GALNT17: variants seen among roughly 807,000 people sequenced by gnomAD.
GALNT17 encodes polypeptide N-acetylgalactosaminyltransferase 17.
In GALNT17, 29 loss-of-function variants were observed where a neutral mutation model predicts 63.7. That is an observed-to-expected ratio of 0.46 (90% CI 0.34 to 0.62). The LOEUF (loss-of-function observed/expected upper bound fraction) is 0.62, where lower values mean the gene tolerates loss of function less well. GALNT17 is among the 20% of genes least tolerant of loss of function. The probability of loss-of-function intolerance (pLI) is 0.01; values close to 1 mark genes in which losing one functional copy is unlikely to be tolerated. For synonymous variants in GALNT17, 305 were observed against 318.3 expected, an observed-to-expected ratio of 0.96 and a Z score of 0.45; for missense variants, 603 against 799.6, an observed-to-expected ratio of 0.75 and a Z score of 2.97.
chr7:71,168,705 ATGTGTGTGTGTGTGTG>A (rs10536926), intron 1 of GALNT17, among the ~76,000 whole-genome samples: 2 of 149,050 alleles, frequency 1.3e-5, no homozygotes, highest in Non-Finnish European at 3.0e-5. Flanking sequence ...AGTTACGTGT[ATGTGTGTGTGTGTGTG>A]TGTGTGTGTG....
intron 6 of GALNT17, among the ~76,000 whole-genome samples, chr7:71,605,211 GTTTA>G (rs1366941982): frequency 6.6e-6 from 1 of 152,072 alleles, no homozygotes; most frequent in Non-Finnish European, 1.5e-5. Flanking sequence ...CCAGCCTTCC[GTTTA>G]TTTATTCTTT....
chr7:71,471,413 A>C (rs568272645), intron 5 of GALNT17, among the ~76,000 whole-genome samples: 5 of 148,022 alleles, frequency 3.4e-5, no homozygotes, highest in Non-Finnish European at 7.5e-5. Context: ...AAAAAAAAAA[A>C]ACAAAAAAAA....
intron 5 of GALNT17, among the ~76,000 whole-genome samples, chr7:71,485,374 G>A (rs1466582235): frequency 2.0e-5 from 3 of 152,212 alleles, no homozygotes; most frequent in Non-Finnish European, 4.4e-5. Flanking sequence ...TGGGATTACA[G>A]GTGTGAGCCA....
chr7:71,453,697 G>A (rs1787306879), intron 5 of GALNT17, among the ~76,000 whole-genome samples: 1 of 152,188 alleles, frequency 6.6e-6, no homozygotes, highest in Admixed American at 6.5e-5. Flanking sequence ...TCCTGTGTAT[G>A]TCAGATAGCA....
At chr7:71,469,807 A>G (rs1190797226) in intron 5 of GALNT17, among the ~76,000 whole-genome samples, 1 of 152,252 alleles carries the variant, frequency 6.6e-6, no homozygotes, top group Non-Finnish European at 1.5e-5. Flanking sequence ...CATTCTTTGA[A>G]GACTGACATC....
intron 2 of GALNT17, among the ~76,000 whole-genome samples, chr7:71,351,585 G>A (rs1792189684): frequency 6.6e-6 from 1 of 152,062 alleles, no homozygotes. Context: ...AGTGAAGACA[G>A]GCAGAGATTG....
chr7:71,577,694 A>G (rs1401085479), intron 6 of GALNT17, among the ~76,000 whole-genome samples: 5 of 152,166 alleles, frequency 3.3e-5, no homozygotes, highest in African/African-American at 4.8e-5. Flanking sequence ...AGCGTATTTT[A>G]ATTTGCACTC....
intron 1 of GALNT17, among the ~76,000 whole-genome samples, chr7:71,303,726 TGGAC>T (rs756144488): frequency 2.0e-5 from 3 of 152,088 alleles, no homozygotes; most frequent in Non-Finnish European, 2.9e-5. Context: ...CAGAGTGGGC[TGGAC>T]TCCCCTCTAA....
At chr7:71,373,491 G>T (rs765958543) in intron 2 of GALNT17, among the ~76,000 whole-genome samples, 1 of 152,098 alleles carries the variant, frequency 6.6e-6, no homozygotes, top group Non-Finnish European at 1.5e-5. Flanking sequence ...GAGTGGTTTC[G>T]GTCTGCAGCC....
intron 8 of GALNT17, among the ~76,000 whole-genome samples, chr7:71,670,955 TA>T (rs1288782585): frequency 6.6e-6 from 1 of 152,062 alleles, no homozygotes; most frequent in Non-Finnish European, 1.5e-5. Flanking sequence ...TATACCCATG[TA>T]TTTTTTTTAC....
chr7:71,187,826 T>C (rs1788879178), intron 1 of GALNT17, among the ~76,000 whole-genome samples: 1 of 152,194 alleles, frequency 6.6e-6, no homozygotes, highest in African/African-American at 2.4e-5. Flanking sequence ...TGTGAAATTT[T>C]GGCGCACCTA....
chr7:71,412,177 C>T (rs576877646), intron 3 of GALNT17, among the ~76,000 whole-genome samples: 19 of 152,270 alleles, frequency 1.2e-4, no homozygotes, highest in African/African-American at 4.1e-4. Flanking sequence ...TGGTGGTGCA[C>T]GCCTTTAGTT....
intron 9 of GALNT17, among the ~76,000 whole-genome samples, chr7:71,686,217 A>G (rs1251652114): frequency 3.3e-5 from 5 of 151,988 alleles, no homozygotes; most frequent in Non-Finnish European, 7.4e-5. Flanking sequence ...GGCCTCCCAA[A>G]GTTCTGGAAT....
intron 5 of GALNT17, among the ~76,000 whole-genome samples, chr7:71,493,817 A>G (rs1380087296): frequency 6.6e-6 from 1 of 152,040 alleles, no homozygotes; most frequent in Non-Finnish European, 1.5e-5. Context: ...GCCTGTCTTT[A>G]CCTGTCCTCT....
intron 6 of GALNT17, among the ~76,000 whole-genome samples, chr7:71,618,071 A>T (rs1790243581): frequency 6.6e-6 from 1 of 152,046 alleles, no homozygotes; most frequent in Admixed American, 6.6e-5. Flanking sequence ...AACATGCAGG[A>T]TTTGATTGTC....
At position 71,132,964 on chromosome 7, in the gene GALNT17, C is replaced by T. The variant is rs762921395; in HGVS notation, c.162C>T (p.His54=). The change falls in exon 1 of 11, where the codon CAC becomes CAT. Residue 54 remains histidine (H), a synonymous_variant. Coordinates refer to ENST00000333538, the MANE Select transcript of GALNT17 (RefSeq NM_022479.3). Reference sequence around the variant, plus strand: ...CCGAGGTGGCCAACCTCAGCGCGCACAGCGCCAGCCCCATCCAGGATGCGG... The same window carrying T: ...CCGAGGTGGCCAACCTCAGCGCGCATAGCGCCAGCCCCATCCAGGATGCGG... ...PRAEVANLSA[H]SASPIQDAVL... The T allele has an allele frequency of 6.2e-7, 1 of 1,609,544 alleles. No homozygotes were observed. Among genetic ancestry groups the T allele is most frequent in the Admixed American group, 1.7e-5 (1 of 59,918 alleles).
intron 5 of GALNT17, among the ~76,000 whole-genome samples, chr7:71,531,255 A>G (rs1029452416): frequency 6.6e-6 from 1 of 151,858 alleles, no homozygotes; most frequent in Non-Finnish European, 1.5e-5. Context: ...AGTAAAAGCA[A>G]AAAAAAAGTA....
rs566654395 is a variant in GALNT17, at chr7:71,563,950, CCTG to C, written c.963-7334_963-7332del. Among the ~76,000 whole-genome samples, 49 of 152,236 alleles carry C rather than the reference CCTG, an allele frequency of 3.2e-4. No homozygotes were observed. In the East Asian group the frequency reaches 3.7e-3, roughly 11 times the overall value. Reference sequence around the variant, plus strand: ...TTGTTGCCTGAGCTGGTCTCAAACTCCTGAGCTAAAGCGATCCTCCTGTCTCGG... The same window carrying C: ...TTGTTGCCTGAGCTGGTCTCAAACTCAGCTAAAGCGATCCTCCTGTCTCGG... On this transcript the variant is annotated intron_variant, in intron 5 of 10. Transcript: ENST00000333538.
chr7:71,548,219 G>A (rs1168604502), intron 5 of GALNT17, among the ~76,000 whole-genome samples: 1 of 150,784 alleles, frequency 6.6e-6, no homozygotes, highest in Non-Finnish European at 1.5e-5. Context: ...TCCAGCCTGG[G>A]CAACAGAGCA....
Sources: allele counts gnomAD v4.1 joint callset (sites outside exome capture counted in the v4.1 genomes callset), GRCh38; gene constraint gnomAD v4.1.1; transcripts MANE v1.5; gene names NCBI Gene and HGNC (gene_info 2026-07-23, HGNC 2026-07-21).